SLC4A4: variants seen among roughly 807,000 people sequenced by gnomAD.
SLC4A4 encodes the protein electrogenic sodium bicarbonate cotransporter 1.
In SLC4A4, 27 loss-of-function variants were observed where a neutral mutation model predicts 111.5. The ratio of observed to expected loss-of-function variants is 0.24; its 90% confidence interval spans 0.18 to 0.33. The LOEUF is 0.33. Among genes scored for constraint, SLC4A4 ranks in the 10% least tolerant of loss-of-function variants. The pLI is 1.00. For missense variants in SLC4A4, 909 were observed against 1,315.5 expected (o/e 0.69, Z 4.78); for synonymous variants, 443 against 463.4 (o/e 0.96, Z 0.57).
At chr4:71,280,676 T>A (rs1723439012) in intron 3 of SLC4A4, among the ~76,000 whole-genome samples, 1 of 152,188 alleles carries the variant, frequency 6.6e-6, no homozygotes, top group Non-Finnish European at 1.5e-5. Flanking sequence ...TGGTGAAGTC[T>A]AGTTTATTGA....
intron 2 of SLC4A4, among the ~76,000 whole-genome samples, chr4:71,109,520 G>T (rs912710935): frequency 2.0e-5 from 3 of 151,752 alleles, no homozygotes; most frequent in African/African-American, 7.3e-5. Context: ...TGGAGGACAG[G>T]GTCCTTTATT....
chr4:71,500,078 A>G (rs114644840), intron 16 of SLC4A4, among the ~76,000 whole-genome samples: 2,040 of 152,262 alleles, frequency 0.013, 47 homozygotes, highest in African/African-American at 0.046. Flanking sequence ...TCTCCACATC[A>G]TCACCAACAC....
At chr4:71,093,492 CT>C (rs1206948948) in intron 2 of SLC4A4, among the ~76,000 whole-genome samples, 1 of 151,970 alleles carries the variant, frequency 6.6e-6, no homozygotes, top group Non-Finnish European at 1.5e-5. Flanking sequence ...TCTGTCTTTA[CT>C]TTAAGAAAAA....
In SLC4A4 at chr4:71,497,362, C is replaced by A. The variant is rs1245816048; in HGVS notation, c.1975-139C>A. 6 of 693,224 alleles carry A rather than the reference C, an allele frequency of 8.7e-6. No homozygotes were observed. The East Asian group carries it at 1.4e-4, about 16-fold the overall frequency. 42.9% of individuals were successfully genotyped at this position (693,224 alleles called of 1,614,324 possible). A position where few individuals can be genotyped will look rare whatever the true frequency, so the allele number is the denominator to read the frequency against. On this transcript the variant is annotated intron_variant, in intron 15 of 25. Transcript: ENST00000264485. The stretch of plus-strand genomic sequence containing the variant: ...ATCTGTTATTCCATGAACACCTCAT[C>A]AAGTTTCACCCTCCAGTGCTTATTT...
At chr4:71,295,054 T>G (rs1356520029) in intron 3 of SLC4A4, among the ~76,000 whole-genome samples, 2 of 152,164 alleles carry the variant, frequency 1.3e-5, no homozygotes, top group Non-Finnish European at 2.9e-5. Context: ...GATGTTAAAT[T>G]TTTAGATATG....
intron 8 of SLC4A4, 140 bp downstream of exon 8, chr4:71,440,913 CTT>C: frequency 1.1e-6 from 1 of 928,206 alleles, no homozygotes. Context: ...GACTGTTTGA[CTT>C]TTATACTGTC....
chr4:71,469,078 T>C (rs1279706437), intron 13 of SLC4A4, among the ~76,000 whole-genome samples: 1 of 152,026 alleles, frequency 6.6e-6, no homozygotes, highest in Non-Finnish European at 1.5e-5. Flanking sequence ...AGAAAATAGC[T>C]CACAACTTTT....
chr4:71,093,819 T>G (rs185877984), intron 2 of SLC4A4, among the ~76,000 whole-genome samples: 57 of 152,326 alleles, frequency 3.7e-4, no homozygotes, highest in Middle Eastern at 6.8e-3. Context: ...CCTATTATAA[T>G]TTGCTCCAAA....
At chr4:71,065,429 T>C (rs1741494496) in intron 1 of SLC4A4, among the ~76,000 whole-genome samples, 1 of 140,746 alleles carries the variant, frequency 7.1e-6, no homozygotes, top group Non-Finnish European at 1.7e-5. Flanking sequence ...TTATACATGA[T>C]AATGGTGATT....
At chr4:71,176,555 G>A (rs1390876349) in intron 2 of SLC4A4, among the ~76,000 whole-genome samples, 1 of 152,192 alleles carries the variant, frequency 6.6e-6, no homozygotes, top group Non-Finnish European at 1.5e-5. Flanking sequence ...TAGCCGATTT[G>A]ATCAACTGGA....
rs1013392303 is a variant in SLC4A4, at chr4:71,379,748, A to G, written c.731-17829A>G. 2.0e-5 allele frequency among the ~76,000 whole-genome samples: 3 copies of G among 152,142 alleles called. No homozygotes were observed. In the East Asian group the frequency reaches 5.8e-4, roughly 29 times the overall value. ...GGTGGTTCCATTTTTGTTTTTGACT[A>G]TTGGACAAAACAGAGTTTGGAGGGA... On this transcript the variant is annotated intron_variant, in intron 6 of 25. Transcript: ENST00000264485.
At position 71,376,857 on chromosome 4, in the gene SLC4A4, G is replaced by A. The variant is rs572095205; in HGVS notation, c.730+19670G>A. On this transcript the variant is annotated intron_variant, in intron 6 of 25. Coordinates refer to ENST00000264485, the MANE Select transcript of SLC4A4 (RefSeq NM_001098484.3). ...TTGCCATGTTGCCGAGGCTGGTCTC[G>A]AACTCCTGGTGTCAAGTTATCCACC... Among the ~76,000 whole-genome samples, 8 of 151,534 alleles carry A rather than the reference G, an allele frequency of 5.3e-5. No homozygotes were observed. The South Asian group carries it at 1.5e-3, about 28-fold the overall frequency.
At chr4:71,188,379 C>G (rs1745587411) in intron 1 of SLC4A4, among the ~76,000 whole-genome samples, 1 of 152,188 alleles carries the variant, frequency 6.6e-6, no homozygotes. Context: ...GCAGCAAGCT[C>G]TTTCCAACTT....
intron 3 of SLC4A4, among the ~76,000 whole-genome samples, chr4:71,269,040 C>G (rs1295840192): frequency 6.6e-6 from 1 of 152,160 alleles, no homozygotes; most frequent in African/African-American, 2.4e-5. Context: ...CCTGGGGTCA[C>G]ACATGCTGTG....
At chr4:71,223,790 T>G (rs981032218) in intron 1 of SLC4A4, among the ~76,000 whole-genome samples, 1 of 151,918 alleles carries the variant, frequency 6.6e-6, no homozygotes, top group South Asian at 2.1e-4. Flanking sequence ...CCGAGACTCA[T>G]GAACTCGGAG....
At chr4:71,066,357 G>T (rs1458554750) in intron 1 of SLC4A4, among the ~76,000 whole-genome samples, 1 of 152,170 alleles carries the variant, frequency 6.6e-6, no homozygotes, top group Middle Eastern at 3.4e-3. Context: ...GTGAAGCTAG[G>T]TATTATTTCC....
chr4:71,335,993 C>T (rs897392880), intron 3 of SLC4A4, among the ~76,000 whole-genome samples: 2 of 151,932 alleles, frequency 1.3e-5, no homozygotes, highest in African/African-American at 4.8e-5. Context: ...GAATAAATTA[C>T]TTAGTTAATA....
At chr4:71,448,608 C>T (rs1233102210) in intron 9 of SLC4A4, among the ~76,000 whole-genome samples, 1 of 152,066 alleles carries the variant, frequency 6.6e-6, no homozygotes, top group Non-Finnish European at 1.5e-5. Context: ...ATTATGACCC[C>T]ATTTATTTTC....
chr4:71,563,875 G>A lies in SLC4A4; in HGVS notation c.3182G>A (p.Ser1061Asn). 6.2e-7 allele frequency: 1 copy of A among 1,607,882 alleles called. No individual in the cohort carries two copies. Among genetic ancestry groups the A allele is most frequent in the East Asian group, 2.2e-5 (1 of 44,714 alleles). The change falls in exon 24 of 26, where the codon AGC becomes AAC. Residue 1061 changes from serine (S) to asparagine (N), a missense_variant. By Grantham distance (46) the Ser-to-Asn change is conservative. Around this residue, in one of 7 missense-constraint regions of SLC4A4, gnomAD observed 85 missense variants for 79.8 expected, o/e 1.07. Transcript: ENST00000264485. Reference sequence around the variant, plus strand: ...GAACAGCAACCTTTCCTAAGCGATAGCAAACCTTCTGACAGTGAGTAGAAC... The same window carrying A: ...GAACAGCAACCTTTCCTAAGCGATAACAAACCTTCTGACAGTGAGTAGAAC... ...IMEQQPFLSDSKPSDRERSPT... is the reference protein window; with the variant it reads ...IMEQQPFLSDNKPSDRERSPT...
Sources: gnomAD v4.1 joint callset for allele counts (sites outside exome capture counted in the v4.1 genomes callset) on GRCh38, gnomAD v4.1.1 for gene constraint, gnomAD v4.1.1 regional missense constraint, MANE v1.5 for transcripts, NCBI Gene and HGNC (gene_info 2026-07-23, HGNC 2026-07-21) for gene names.